TIMP2: variants seen among roughly 807,000 people sequenced by gnomAD.
TIMP2 encodes the protein metalloproteinase inhibitor 2.
A neutral mutation model predicts 24.3 loss-of-function variants in TIMP2; 5 were observed. That is an observed-to-expected ratio of 0.21 (90% CI 0.11 to 0.43). The LOEUF (loss-of-function observed/expected upper bound fraction) is 0.43. Ranked by LOEUF, TIMP2 falls within the 20% of genes least tolerant of loss-of-function variation. The pLI, the probability that TIMP2 is intolerant of heterozygous loss-of-function variation, is 1.00. For missense variants in TIMP2, 221 were observed against 297.5 expected (o/e 0.74, Z 1.89); for synonymous variants, 130 against 123.2 (o/e 1.06, Z -0.37).
At chr17:78,910,423 C>T (rs1181648936) in intron 1 of TIMP2, among the ~76,000 whole-genome samples, 1 of 152,124 alleles carries the variant, frequency 6.6e-6, no homozygotes, top group Non-Finnish European at 1.5e-5. Context: ...AAACTCCTGG[C>T]CTCAGGTGAT....
At chr17:78,893,393 GTA>G (rs1446612014) in intron 1 of TIMP2, among the ~76,000 whole-genome samples, 4 of 147,448 alleles carry the variant, frequency 2.7e-5, no homozygotes, top group Admixed American at 6.7e-5. Context: ...GCAGGGGTGT[GTA>G]TGCAGGGGTG....
chr17:78,913,633 C>T (rs2070228008), intron 1 of TIMP2, among the ~76,000 whole-genome samples: 1 of 152,086 alleles, frequency 6.6e-6, no homozygotes, highest in Admixed American at 6.6e-5. Context: ...ACTGCTTAAG[C>T]CCAGGAGGCT....
Position 78,891,633 on chromosome 17 carries a change from C to T in TIMP2, c.131-17714G>A. The T allele has an allele frequency of 6.4e-7, 1 of 1,550,970 alleles. No individual in the cohort carries two copies. Among genetic ancestry groups the T allele is most frequent in the East Asian group, 2.4e-5 (1 of 40,922 alleles). ...TGTCCCTGAGAGCGACTGGTCAGGG[C>T]TGGAACAAAGCAAACTGCCCCCTTT... On this transcript the variant is annotated intron_variant, in intron 1 of 4. Coordinates refer to ENST00000262768, the MANE Select transcript of TIMP2 (RefSeq NM_003255.5). The surrounding 1 kb of genome is among the most constrained non-coding windows in gnomAD (Gnocchi z 4.5).
At chr17:78,910,224 G>A (rs148615066) in intron 1 of TIMP2, among the ~76,000 whole-genome samples, 37 of 148,848 alleles carry the variant, frequency 2.5e-4, no homozygotes, top group African/African-American at 8.7e-4. Context: ...ACGGAGTCTC[G>A]CTCTGTAGCC....
At chr17:78,863,350 C>T (rs2069582402) in intron 3 of TIMP2, among the ~76,000 whole-genome samples, 1 of 152,148 alleles carries the variant, frequency 6.6e-6, no homozygotes, top group African/African-American at 2.4e-5. Flanking sequence ...TCAAGTGATT[C>T]TCCTGCCCCA....
In TIMP2 at chr17:78,857,639, G is replaced by A. The variant is rs770704953; in HGVS notation, c.348C>T (p.Ala116=). Residue 116 remains alanine (A), a synonymous_variant, in exon 4 of 5, where the codon GCC becomes GCT. Transcript: ENST00000262768. ...GKKEYLIAGK[A]EGDGKMHITL... is the part of the protein sequence containing the mutation. The stretch of plus-strand genomic sequence containing the variant: ...TGATGTGCATCTTGCCGTCCCCCTC[G>A]GCCTTTCCTGCGGAGAGACGGGGAT... 4.1e-5 allele frequency: 66 copies of A among 1,613,992 alleles called. No individual in the cohort carries two copies. Among genetic ancestry groups the A allele is most frequent in the Non-Finnish European group, 5.3e-5 (62 of 1,180,020 alleles).
intron 4 of TIMP2, 26 bp downstream of exon 4, chr17:78,857,496 C>T: frequency 3.7e-6 from 6 of 1,613,886 alleles, no homozygotes; most frequent in Non-Finnish European, 3.4e-6. Flanking sequence ...GGAGGCGATG[C>T]TCCAGCAGAG....
intron 1 of TIMP2, among the ~76,000 whole-genome samples, chr17:78,923,221 C>G (rs2070321029): frequency 6.6e-6 from 1 of 152,040 alleles, no homozygotes; most frequent in Admixed American, 6.5e-5. Flanking sequence ...CTGCGCTGAG[C>G]ATGAAGGAGG....
intron 1 of TIMP2, among the ~76,000 whole-genome samples, chr17:78,919,130 G>A (rs1290033306): frequency 1.3e-5 from 2 of 152,278 alleles, no homozygotes; most frequent in African/African-American, 4.8e-5. Flanking sequence ...CACCTGGAGA[G>A]TCCTGAAACT....
Position 78,918,065 on chromosome 17 carries a change from AACACAC to A in TIMP2, c.130+6888_130+6893del, listed in dbSNP as rs57256110. On this transcript the variant is annotated intron_variant, in intron 1 of 4. Coordinates refer to ENST00000262768, the MANE Select transcript of TIMP2 (RefSeq NM_003255.5). ...AAAAACACGTACGCGTGCACACACA[AACACAC>A]ACACACACACACACACACACACACA... Among the ~76,000 whole-genome samples, 773 of 144,916 alleles carry A rather than the reference AACACAC, an allele frequency of 5.3e-3. 4 individuals are homozygous for A. Among genetic ancestry groups the A allele is most frequent in the Middle Eastern group, 0.024 (7 of 286 alleles).
chr17:78,894,134 GCACT>G (rs1236486802), intron 1 of TIMP2, among the ~76,000 whole-genome samples: 6 of 152,118 alleles, frequency 3.9e-5, no homozygotes, highest in Admixed American at 1.3e-4. Context: ...TCCCCTCTGA[GCACT>G]GGGCATGTAT....
At chr17:78,877,707 CTTT>C (rs781320147) in intron 1 of TIMP2, among the ~76,000 whole-genome samples, 3 of 142,768 alleles carry the variant, frequency 2.1e-5, no homozygotes, top group Admixed American at 7.0e-5. Context: ...TTCTTTCTTT[CTTT>C]TTTTTTTTTT....
At chr17:78,916,497 G>A (rs914799597) in intron 1 of TIMP2, among the ~76,000 whole-genome samples, 9 of 152,290 alleles carry the variant, frequency 5.9e-5, no homozygotes, top group Admixed American at 2.6e-4. Context: ...CCAGGTTAGA[G>A]GGCATCTGGC....
chr17:78,883,684 CT>C (rs2069799008), intron 1 of TIMP2, among the ~76,000 whole-genome samples: 1 of 152,160 alleles, frequency 6.6e-6, no homozygotes, highest in South Asian at 2.1e-4. Flanking sequence ...GGGTGCCCGT[CT>C]CCATGGAGAC....
chr17:78,916,975 G>C (rs1025459603), intron 1 of TIMP2, among the ~76,000 whole-genome samples: 3 of 152,228 alleles, frequency 2.0e-5, no homozygotes, highest in Non-Finnish European at 4.4e-5. Flanking sequence ...TCTAGCAAGA[G>C]GTGCAGCCTG....
At chr17:78,865,687 G>A (rs2069606724) in intron 3 of TIMP2, among the ~76,000 whole-genome samples, 2 of 151,022 alleles carry the variant, frequency 1.3e-5, no homozygotes, top group South Asian at 4.2e-4. Context: ...AGCTACTTGG[G>A]AGGCTGAGGC....
intron 1 of TIMP2, among the ~76,000 whole-genome samples, chr17:78,894,742 A>G (rs2069970610): frequency 6.6e-6 from 1 of 152,166 alleles, no homozygotes; most frequent in African/African-American, 2.4e-5. Flanking sequence ...AGTCAGGCAA[A>G]GATTTCTTAG....
intron 1 of TIMP2, among the ~76,000 whole-genome samples, chr17:78,918,101 A>C (rs1342857400): frequency 3.1e-5 from 3 of 97,878 alleles, no homozygotes; most frequent in African/African-American, 1.3e-4. Flanking sequence ...CACACACACA[A>C]CTTCACTTAC....
At chr17:78,879,897 G>A (rs1449970509) in intron 1 of TIMP2, among the ~76,000 whole-genome samples, 1 of 149,544 alleles carries the variant, frequency 6.7e-6, no homozygotes, top group East Asian at 2.0e-4. Context: ...AATCCCGAGC[G>A]CACCCGCCAG....
Sources: gnomAD v4.1 joint callset for allele counts (sites outside exome capture counted in the v4.1 genomes callset) on GRCh38, gnomAD v4.1.1 for gene constraint, Gnocchi (gnomAD v3.1) non-coding constraint, MANE v1.5 for transcripts, NCBI Gene and HGNC (gene_info 2026-07-23, HGNC 2026-07-21) for gene names.